ZNF233: variants seen among roughly 807,000 people sequenced by gnomAD.
ZNF233 encodes zinc finger protein 233.
Under a neutral mutation model 11.6 loss-of-function variants are expected in ZNF233, and 7 were observed. That is an observed-to-expected ratio of 0.60 (90% confidence interval 0.34 to 1.13). The LOEUF is 1.13. Among genes scored for constraint, ZNF233 ranks in the 50% most tolerant of loss-of-function variants. The probability of loss-of-function intolerance (pLI) is 0.03; values close to 1 mark genes in which losing one functional copy is unlikely to be tolerated. For missense variants in ZNF233, 711 were observed against 785.5 expected (o/e 0.91, Z 1.13); for synonymous variants, 226 against 268.5 (o/e 0.84, Z 1.55).
At position 44,273,554 on chromosome 19, in the gene ZNF233, C is replaced by T; in HGVS notation, c.894C>T (p.Ser298=). The change falls in exon 5 of 5, where the codon AGC becomes AGT. Residue 298 remains serine, a synonymous_variant. Coordinates refer to ENST00000683810, the MANE Select transcript of ZNF233 (RefSeq NM_001207005.2). ...AGTACGGGAAGGGCATAGGTTACAG[C>T]TCAGGGCTTCCCAGGCATCAGTGTT... The part of the protein sequence containing the change: ...NVEYGKGIGY[S]SGLPRHQCFH... 1 of 1,614,208 alleles carries T rather than the reference C, an allele frequency of 6.2e-7. No individual in the cohort carries two copies. The highest frequency in any genetic ancestry group is 8.5e-7 in the Non-Finnish European group (1 of 1,180,048).
intron 4 of ZNF233, among the ~76,000 whole-genome samples, chr19:44,269,642 A>G (rs1211408315): frequency 1.3e-5 from 2 of 152,092 alleles, no homozygotes; most frequent in African/African-American, 2.4e-5. Flanking sequence ...TTATTGAAAT[A>G]TATACAGAAA....
At chr19:44,270,714 G>A (rs894392172) in intron 4 of ZNF233, among the ~76,000 whole-genome samples, 11 of 152,170 alleles carry the variant, frequency 7.2e-5, no homozygotes, top group African/African-American at 2.7e-4. Context: ...TGCTTCCAAG[G>A]TGGGCTCGTT....
At position 44,274,303 on chromosome 19, in the gene ZNF233, G is replaced by GT; in HGVS notation, c.1645dup (p.Ser549PhefsTer19). On this transcript the variant is annotated frameshift_variant, in exon 5 of 5. Transcript: ENST00000683810. LOFTEE classifies it low-confidence loss of function (END_TRUNC). Reference sequence around the variant, plus strand: ...ACATGTGGGAAGGGCTTTAGTCAGAGTTCGCATCTCCAAGACCATCAGCAA... The same window carrying GT: ...ACATGTGGGAAGGGCTTTAGTCAGAGTTTCGCATCTCCAAGACCATCAGCAA... The GT allele has an allele frequency of 6.2e-7, 1 of 1,613,326 alleles. No individual in the cohort carries two copies. The highest frequency in any genetic ancestry group is 8.5e-7 in the Non-Finnish European group (1 of 1,179,866).
intron 1 of ZNF233, among the ~76,000 whole-genome samples, chr19:44,260,615 A>T (rs1317999644): frequency 6.6e-6 from 1 of 152,120 alleles, no homozygotes; most frequent in Non-Finnish European, 1.5e-5. Flanking sequence ...GTCCACTGTC[A>T]TTCATCCTGG....
Position 44,266,206 on chromosome 19 carries a change from G to A in ZNF233, c.24G>A (p.Val8=), listed in dbSNP as rs1237217940. The A allele has an allele frequency of 1.2e-6, 2 of 1,609,188 alleles. No homozygotes were observed. Among genetic ancestry groups the A allele is most frequent in the African/African-American group, 1.3e-5 (1 of 74,682 alleles). Residue 8 remains valine (V), a synonymous_variant, in exon 3 of 5, where the codon GTG becomes GTA. Coordinates refer to ENST00000683810, the MANE Select transcript of ZNF233 (RefSeq NM_001207005.2). ...TCTGCTTGATGTTGTAGGAGATGGT[G>A]ACATTCAAGGATGTGGCTGTGGTCT... is the stretch of plus-strand genomic sequence containing the variant. The part of the protein sequence containing the change: MTKFQEM[V]TFKDVAVVFT...
intron 4 of ZNF233, among the ~76,000 whole-genome samples, chr19:44,269,881 A>G (rs924676306): frequency 3.3e-5 from 5 of 152,108 alleles, no homozygotes; most frequent in Non-Finnish European, 5.9e-5. Flanking sequence ...AAACATCAGA[A>G]TTTTTTAGGG....
In ZNF233 at chr19:44,267,158, T is replaced by C. The variant is rs1264720271; in HGVS notation, c.238+197T>C. Reference sequence around the variant, plus strand: ...TAGCCAGATCATGTAAGTCAGATCATGTCGCTCCTTGGCTCAAAAGCCTTC... The same window carrying C: ...TAGCCAGATCATGTAAGTCAGATCACGTCGCTCCTTGGCTCAAAAGCCTTC... On this transcript the variant is annotated intron_variant, in intron 4 of 4. Coordinates refer to ENST00000683810, the MANE Select transcript of ZNF233 (RefSeq NM_001207005.2). 1.3e-5 allele frequency: 6 copies of C among 447,100 alleles called. No homozygotes were observed. The Admixed American group carries it at 2.3e-4, about 17-fold the overall frequency. The allele number at this position is 447,100 out of a possible 1,614,324, so 27.7% of individuals were successfully genotyped here.
chr19:44,268,319 CG>C (rs1295004892), intron 4 of ZNF233: 12 of 152,158 alleles, frequency 7.9e-5, no homozygotes, highest in African/African-American at 2.9e-4. Flanking sequence ...ACTTCATGAA[CG>C]TAAGAATTTT....
At chr19:44,270,733 T>C (rs961325124) in intron 4 of ZNF233, among the ~76,000 whole-genome samples, 9 of 152,192 alleles carry the variant, frequency 5.9e-5, no homozygotes, top group Admixed American at 5.9e-4. Context: ...TTCACATGGC[T>C]GTGGCAGGAG....
Position 44,266,178 on chromosome 19 carries a change from A to G in ZNF233, c.16-20A>G, listed in dbSNP as rs1975076226. 2 of 1,597,498 alleles carry G rather than the reference A, an allele frequency of 1.3e-6. No homozygotes were observed. Among genetic ancestry groups the G allele is most frequent in the East Asian group, 2.3e-5 (1 of 43,802 alleles). ...AGTTATTGGCCATAAGATTGAGATTACATCTGCTTGATGTTGTAGGAGATG... is the reference window on the plus strand; with the variant it reads ...AGTTATTGGCCATAAGATTGAGATTGCATCTGCTTGATGTTGTAGGAGATG... On this transcript the variant is annotated intron_variant, in intron 2 of 4. Transcript: ENST00000683810.
intron 1 of ZNF233, among the ~76,000 whole-genome samples, chr19:44,261,511 T>A (rs1397780990): frequency 1.3e-5 from 2 of 152,052 alleles, no homozygotes; most frequent in South Asian, 4.1e-4. Context: ...TAAAAAAAAT[T>A]TTTTTAAGGA....
At position 44,273,284 on chromosome 19, in the gene ZNF233, T is replaced by A; in HGVS notation, c.624T>A (p.Cys208Ter). 4 of 1,614,078 alleles carry A rather than the reference T, an allele frequency of 2.5e-6. No homozygotes were observed. The highest frequency in any genetic ancestry group is 3.4e-6 in the Non-Finnish European group (4 of 1,180,000). ...CQQIDVKNKL[C>*]KCDHCVRQRI... is the part of the protein sequence containing the mutation. Reference sequence around the variant, plus strand: ...AAATTGATGTAAAAAATAAGCTCTGTAAATGTGATCATTGTGTTAGGCAAA... The same window carrying A: ...AAATTGATGTAAAAAATAAGCTCTGAAAATGTGATCATTGTGTTAGGCAAA... Residue 208 changes from cysteine (C) to a stop codon, truncating the protein, a stop_gained, in exon 5 of 5, where the codon TGT becomes TGA. Coordinates refer to ENST00000683810, the MANE Select transcript of ZNF233 (RefSeq NM_001207005.2). LOFTEE classifies it low-confidence loss of function (END_TRUNC).
Position 44,275,164 on chromosome 19 carries a change from T to C in ZNF233, c.*491T>C. On this transcript the variant is annotated 3_prime_UTR_variant, in exon 5 of 5. Coordinates refer to ENST00000683810, the MANE Select transcript of ZNF233 (RefSeq NM_001207005.2). ...GCTTCCCTGGAATTGTTTAACTTGATAGGAAAAATCTATCATATATAGGAC... is the reference window on the plus strand; with the variant it reads ...GCTTCCCTGGAATTGTTTAACTTGACAGGAAAAATCTATCATATATAGGAC... 1 of 383,540 alleles carries C rather than the reference T, an allele frequency of 2.6e-6. No individual in the cohort carries two copies. The highest frequency in any genetic ancestry group is 4.6e-6 in the Non-Finnish European group (1 of 217,230). The allele number at this position is 383,540 out of a possible 1,614,324, so 23.8% of individuals were successfully genotyped here. A position where few individuals can be genotyped will look rare whatever the true frequency, so the allele number is the denominator to read the frequency against.
Position 44,266,276 on chromosome 19 carries a change from CTGT to C in ZNF233, c.95_97del (p.Leu32_Tyr33delinsHis). 6.2e-7 allele frequency: 1 copy of C among 1,611,914 alleles called. No individual in the cohort carries two copies. Among genetic ancestry groups the C allele is most frequent in the Non-Finnish European group, 8.5e-7 (1 of 1,178,814 alleles). On this transcript the variant is annotated inframe_deletion, in exon 3 of 5. Coordinates refer to ENST00000683810, the MANE Select transcript of ZNF233 (RefSeq NM_001207005.2). ...GTTGCTGGACCTTGCCCAGAGAAAG[CTGT>C]ACCAAGATGTGATGCTGGAGAACTT...
intron 1 of ZNF233, among the ~76,000 whole-genome samples, chr19:44,263,749 TTTGAA>T: frequency 6.6e-6 from 1 of 152,344 alleles, no homozygotes; most frequent in South Asian, 2.1e-4. Flanking sequence ...TTGTACAGTC[TTTGAA>T]ATCTGGATGT....
intron 1 of ZNF233, chr19:44,260,263 C>T (rs1400648921): frequency 1.8e-5 from 3 of 167,994 alleles, no homozygotes; most frequent in African/African-American, 7.2e-5. Flanking sequence ...ATAGTAGTAC[C>T]TAACTGGTAG....
intron 2 of ZNF233, among the ~76,000 whole-genome samples, chr19:44,265,396 CA>C (rs1975051739): frequency 6.6e-6 from 1 of 151,036 alleles, no homozygotes; most frequent in African/African-American, 2.4e-5. Context: ...CACACACACA[CA>C]CACACACACA....
Position 44,262,893 on chromosome 19 carries a change from C to T in ZNF233, c.-47-1421C>T, listed in dbSNP as rs144262727. On this transcript the variant is annotated intron_variant, in intron 1 of 4. Transcript: ENST00000683810. Reference sequence around the variant, plus strand: ...AGCAGTTCATACCCTCCAACTTCCCCTTCTCTGATCTCTAAGACATGATTC... The same window carrying T: ...AGCAGTTCATACCCTCCAACTTCCCTTTCTCTGATCTCTAAGACATGATTC... Among the ~76,000 whole-genome samples the T allele has an allele frequency of 2.0e-4, 31 of 152,296 alleles. No homozygotes were observed. The East Asian group carries it at 5.4e-3, about 27-fold the overall frequency.
rs2123074580 is a variant in ZNF233, at chr19:44,274,778, A to G, written c.*105A>G. ...CCACACAGCACAGAATATTTATAAA[A>G]TGTCATGTTTTAAGAATTCATGAGC... On this transcript the variant is annotated 3_prime_UTR_variant, in exon 5 of 5. Coordinates refer to ENST00000683810, the MANE Select transcript of ZNF233 (RefSeq NM_001207005.2). 1 of 920,634 alleles carries G rather than the reference A, an allele frequency of 1.1e-6. No homozygotes were observed. Among genetic ancestry groups the G allele is most frequent in the Admixed American group, 3.1e-5 (1 of 32,216 alleles). The allele number at this position is 920,634 out of a possible 1,614,324, so 57.0% of individuals were successfully genotyped here. A position where few individuals can be genotyped will look rare whatever the true frequency, so the allele number is the denominator to read the frequency against.
Sources: allele counts gnomAD v4.1 joint callset (sites outside exome capture counted in the v4.1 genomes callset), GRCh38; gene constraint gnomAD v4.1.1; transcripts MANE v1.5; gene names NCBI Gene and HGNC (gene_info 2026-07-23, HGNC 2026-07-21).